Variants in DNM2 observed in about 807,000 individuals in gnomAD.
The protein encoded by DNM2 is dynamin 2, also known as dynamin-2.
DNM2 carries 15 observed loss-of-function variants against 99.0 expected under a neutral mutation model. That is an observed-to-expected ratio of 0.15 (90% CI 0.10 to 0.23). The LOEUF (loss-of-function observed/expected upper bound fraction) is 0.23. Among genes scored for constraint, DNM2 ranks in the 10% least tolerant of loss-of-function variants. DNM2 has a pLI of 1.00. For synonymous variants in DNM2, 525 were observed against 481.2 expected (o/e 1.09, Z -1.19); for missense variants, 742 against 1,189.4 (o/e 0.62, Z 5.53).
intron 2 of DNM2, among the ~76,000 whole-genome samples, chr19:10,760,996 T>A (rs2070610628): frequency 6.6e-6 from 1 of 151,648 alleles, no homozygotes; most frequent in Non-Finnish European, 1.5e-5. Context: ...TTTATTTATT[T>A]ATTTATTTTT....
chr19:10,741,285 G>T (rs1414857636), intron 1 of DNM2, among the ~76,000 whole-genome samples: 1 of 151,258 alleles, frequency 6.6e-6, no homozygotes, highest in African/African-American at 2.4e-5. Context: ...GGCTGGAAAC[G>T]TGGTGGCATG....
At chr19:10,773,840 T>A (rs1458094258) in intron 3 of DNM2, among the ~76,000 whole-genome samples, 2 of 151,874 alleles carry the variant, frequency 1.3e-5, no homozygotes, top group Non-Finnish European at 2.9e-5. Context: ...CTCGAACTCC[T>A]AACCTCAGGT....
intron 8 of DNM2, among the ~76,000 whole-genome samples, chr19:10,794,164 T>C (rs1440869212): frequency 1.3e-5 from 2 of 152,164 alleles, no homozygotes; most frequent in African/African-American, 4.8e-5. Flanking sequence ...TAGCATGTCA[T>C]TGAAGAAGGA....
In DNM2 at chr19:10,830,499, TC is replaced by T. The variant is rs1396659419; in HGVS notation, c.2543+122del. ...AGCTGCTGGAGTGGAGGAATCGTCC[TC>T]ATCCCTATTTGGCTTGCGAGGAAAC... On this transcript the variant is annotated intron_variant, in intron 20 of 20. Coordinates refer to ENST00000389253, the MANE Select transcript of DNM2 (RefSeq NM_001005361.3). The surrounding 1 kb of genome is among the most constrained non-coding windows in gnomAD (Gnocchi z 4.8). 8.3e-7 allele frequency: 1 copy of T among 1,201,540 alleles called. No homozygotes were observed. The highest frequency in any genetic ancestry group is 1.2e-6 in the Non-Finnish European group (1 of 858,932). 74.4% of individuals were successfully genotyped at this position (1,201,540 alleles called of 1,614,324 possible).
chr19:10,771,162 C>T (rs1441484436), intron 2 of DNM2, among the ~76,000 whole-genome samples: 3 of 152,210 alleles, frequency 2.0e-5, no homozygotes, highest in Non-Finnish European at 4.4e-5. Flanking sequence ...CCCTCCCCAA[C>T]ATTTTACTCT....
intron 12 of DNM2, chr19:10,803,735 C>T: frequency 5.1e-6 from 5 of 982,212 alleles, no homozygotes; most frequent in Non-Finnish European, 6.0e-6. Flanking sequence ...CTGGGTGGCC[C>T]CAGCCCTGGG....
chr19:10,737,152 C>T (rs1191010908), intron 1 of DNM2, among the ~76,000 whole-genome samples: 1 of 151,996 alleles, frequency 6.6e-6, no homozygotes, highest in African/African-American at 2.4e-5. Context: ...TATATCCTTC[C>T]TCTACTTGGA....
intron 3 of DNM2, among the ~76,000 whole-genome samples, chr19:10,774,782 T>TA (rs1040345909): frequency 2.8e-4 from 42 of 148,592 alleles, no homozygotes; most frequent in East Asian, 2.3e-3. Flanking sequence ...TATATTTATT[T>TA]TTTTTTTTTT....
rs1568298527 is a variant in DNM2, at chr19:10,783,692, TA to T, written c.849+573del. Among the ~76,000 whole-genome samples, 430 of 135,022 alleles carry T rather than the reference TA, an allele frequency of 3.2e-3. 1 individual carries two copies. Among genetic ancestry groups the T allele is most frequent in the African/African-American group, 0.01 (405 of 39,974 alleles). The allele number at this position is 135,022 out of a possible 152,430, so 88.6% of individuals were successfully genotyped here. On this transcript the variant is annotated intron_variant, in intron 6 of 20. Coordinates refer to ENST00000389253, the MANE Select transcript of DNM2 (RefSeq NM_001005361.3). ...CTTTTTTATTTATTATTATTATTAT[TA>T]TTATTATTATTATTTTTTATTTTTG... is the stretch of plus-strand genomic sequence containing the variant.
chr19:10,786,742 GGCCC>G (rs1269201931), intron 7 of DNM2, 36 bp downstream of exon 7: 1 of 1,613,094 alleles, frequency 6.2e-7, no homozygotes, highest in Non-Finnish European at 8.5e-7. Context: ...CCACCACCCT[GGCCC>G]CTGCCTTCCA....
intron 11 of DNM2, 76 bp from the exon 12 acceptor site, chr19:10,802,212 C>T: frequency 6.6e-7 from 1 of 1,521,370 alleles, no homozygotes. Flanking sequence ...GCTGGCAAGG[C>T]CAGGAAATGC....
At chr19:10,792,029 A>T (rs2071770892) in intron 7 of DNM2, among the ~76,000 whole-genome samples, 1 of 152,234 alleles carries the variant, frequency 6.6e-6, no homozygotes, top group Non-Finnish European at 1.5e-5. Flanking sequence ...CGGAGGTTGC[A>T]GTAAGCTGAG....
At position 10,831,649 on chromosome 19, in the gene DNM2, G is replaced by C. The variant is rs1320869366; in HGVS notation, c.*602G>C. On this transcript the variant is annotated 3_prime_UTR_variant, in exon 21 of 21. Transcript: ENST00000389253. This position sits in a 1 kb window ranked among gnomAD's most constrained non-coding sequence, Gnocchi z 4.3. ...TTGCTAGGCCCGGAGCCGTTGGCCCGGGCCGGCCTTGCCCTATTCCTCTCC... is the reference window on the plus strand; with the variant it reads ...TTGCTAGGCCCGGAGCCGTTGGCCCCGGCCGGCCTTGCCCTATTCCTCTCC... The C allele has an allele frequency of 1.0e-6, 1 of 985,994 alleles. No homozygotes were observed. The highest frequency in any genetic ancestry group is 1.2e-6 in the Non-Finnish European group (1 of 830,196). The allele number at this position is 985,994 out of a possible 1,614,324, so 61.1% of individuals were successfully genotyped here.
At chr19:10,736,604 T>C (rs2069535715) in intron 1 of DNM2, among the ~76,000 whole-genome samples, 1 of 150,250 alleles carries the variant, frequency 6.7e-6, no homozygotes. Context: ...TATTAGTTTT[T>C]TGTTTGTTTG....
In DNM2 at chr19:10,775,610, C is replaced by G; in HGVS notation, c.386-93C>G. ...GACATCCTCAAGTCTGAGCCCCGCG[C>G]AGGAACTTTGGTAGTCAGCTGGGTG... is the stretch of plus-strand genomic sequence containing the variant. On this transcript the variant is annotated intron_variant, in intron 3 of 20. Coordinates refer to ENST00000389253, the MANE Select transcript of DNM2 (RefSeq NM_001005361.3). This position sits in a 1 kb window ranked among gnomAD's most constrained non-coding sequence, Gnocchi z 4.3. 1 of 1,425,506 alleles carries G rather than the reference C, an allele frequency of 7.0e-7. No homozygotes were observed. Among genetic ancestry groups the G allele is most frequent in the African/African-American group, 1.4e-5 (1 of 71,268 alleles). The allele number at this position is 1,425,506 out of a possible 1,614,324, so 88.3% of individuals were successfully genotyped here. A position where few individuals can be genotyped will look rare whatever the true frequency, so the allele number is the denominator to read the frequency against.
intron 18 of DNM2, among the ~76,000 whole-genome samples, chr19:10,826,385 G>C (rs145566934): frequency 6.6e-6 from 1 of 152,196 alleles, no homozygotes; most frequent in Non-Finnish European, 1.5e-5. Flanking sequence ...TTGGGCAGCC[G>C]CTGTGTCCTA....
chr19:10,736,575 A>C (rs1283140912), intron 1 of DNM2, among the ~76,000 whole-genome samples: 1 of 152,230 alleles, frequency 6.6e-6, no homozygotes, highest in Non-Finnish European at 1.5e-5. Context: ...ATTGTGTATT[A>C]GTACGTGGAA....
intron 14 of DNM2, chr19:10,809,567 G>C (rs1255317083): frequency 1.3e-5 from 2 of 152,476 alleles, no homozygotes; most frequent in Admixed American, 6.5e-5. Context: ...GTCCAGCCCA[G>C]CCCAGCGGGA....
chr19:10,803,842 T>C lies in DNM2; in HGVS notation c.1493+1484T>C, dbSNP rs561856000. Among the ~76,000 whole-genome samples the C allele has an allele frequency of 3.0e-4, 46 of 152,314 alleles. 1 individual carries two copies. The highest frequency in any genetic ancestry group is 2.5e-4 in the Non-Finnish European group (17 of 68,022). On this transcript the variant is annotated intron_variant, in intron 12 of 20. Coordinates refer to ENST00000389253, the MANE Select transcript of DNM2 (RefSeq NM_001005361.3). Reference sequence around the variant, plus strand: ...GGGCCAGGACCTTGACCGCACCAGCTGTAGCCCCTGCTGTTTCAGAGCCTG... The same window carrying C: ...GGGCCAGGACCTTGACCGCACCAGCCGTAGCCCCTGCTGTTTCAGAGCCTG...
Sources: gnomAD v4.1 joint callset for allele counts (sites outside exome capture counted in the v4.1 genomes callset) on GRCh38, gnomAD v4.1.1 for gene constraint, Gnocchi (gnomAD v3.1) non-coding constraint, MANE v1.5 for transcripts, NCBI Gene and HGNC (gene_info 2026-07-23, HGNC 2026-07-21) for gene names.